TAF6: variants seen among roughly 807,000 people sequenced by gnomAD.
The protein encoded by TAF6 is TATA-box binding protein associated factor 6.
TAF6 carries 50 observed loss-of-function variants against 73.5 expected under a neutral mutation model. That is an observed-to-expected ratio of 0.68 (90% CI 0.54 to 0.86). TAF6 has a LOEUF of 0.86. Among genes scored for constraint, TAF6 ranks in the 40% least tolerant of loss-of-function variants. The probability of loss-of-function intolerance (pLI) is 0.00; values close to 1 mark genes in which losing one functional copy is unlikely to be tolerated. For synonymous variants in TAF6, 424 were observed against 376.7 expected (o/e 1.13, Z -1.45); for missense variants, 768 against 899.5 (o/e 0.85, Z 1.87).
At chr7:100,116,716 C>G (rs574159996) in intron 1 of TAF6, 1 of 152,346 alleles carries the variant, frequency 6.6e-6, no homozygotes, top group East Asian at 1.9e-4. Flanking sequence ...AAATTACCTT[C>G]TCCCCATTAT....
At chr7:100,109,828 C>G in intron 12 of TAF6, 120 bp downstream of exon 12, 1 of 1,453,704 alleles carries the variant, frequency 6.9e-7, no homozygotes, top group South Asian at 1.3e-5. Flanking sequence ...GTATCAGACT[C>G]TGCAATGTCC....
rs749816135 is a variant in TAF6 at position 100,118,045 on chromosome 7, C to CAA, written c.-60+1157_-60+1158dup. Among the ~76,000 whole-genome samples the CAA allele has an allele frequency of 5.1e-3, 416 of 80,952 alleles. 5 individuals are homozygous for CAA. The highest frequency in any genetic ancestry group is 6.5e-3 in the Non-Finnish European group (266 of 41,068). The allele number at this position is 80,952 out of a possible 152,430, so 53.1% of individuals were successfully genotyped here. Reference sequence around the variant, plus strand: ...TGGGCAACAGAGCCAGACTCTGTCTCAAAAAAAAAAAAAAAACAAAAAAAG... The same window carrying CAA: ...TGGGCAACAGAGCCAGACTCTGTCTCAAAAAAAAAAAAAAAAAACAAAAAAAG... On this transcript the variant is annotated intron_variant, in intron 1 of 14. Coordinates refer to ENST00000453269, the MANE Select transcript of TAF6 (RefSeq NM_139315.3).
Position 100,111,915 on chromosome 7 carries a change from C to T in TAF6, c.798+7G>A, listed in dbSNP as rs925175394. The stretch of plus-strand genomic sequence containing the variant: ...CGTCCCTGCACTGTGGAACCTCATG[C>T]TCTCACCCCCTCCGAGATAAAGGTA... On this transcript the variant is annotated splice_region_variant and intron_variant, in intron 8 of 14. Coordinates refer to ENST00000453269, the MANE Select transcript of TAF6 (RefSeq NM_139315.3). 10 of 1,614,022 alleles carry T rather than the reference C, an allele frequency of 6.2e-6. No individual in the cohort carries two copies. The highest frequency in any genetic ancestry group is 4.0e-5 in the African/African-American group (3 of 74,892).
Position 100,113,712 on chromosome 7 carries a change from C to A in TAF6, c.301G>T (p.Gly101Cys). 6.2e-7 allele frequency: 1 copy of A among 1,614,092 alleles called. No individual in the cohort carries two copies. Among genetic ancestry groups the A allele is most frequent in the Non-Finnish European group, 8.5e-7 (1 of 1,180,026 alleles). Reference protein sequence around the residue: ...FIPFRFASGGGRELYFYEEKE... With the variant: ...FIPFRFASGGCRELYFYEEKE... ...TCCTCATAGAAGTAAAGCTCCCGGC[C>A]CCCACCAGAGGCGAAGCGGAAAGGA... The change falls in exon 4 of 15, where the codon GGC (glycine) becomes TGC (cysteine). Residue 101 changes from glycine to cysteine, a missense_variant. Transcript: ENST00000453269.
rs373833412 is a variant in TAF6, at chr7:100,114,191, G to C, written c.19C>G (p.Leu7Val). ...GGCAGCACAGTGTTGCTAAGCTTCA[G>C]CTTCTTCTCCTCAGCCATTCTGGAG... is the stretch of plus-strand genomic sequence containing the variant. MAEEKK[L>V]KLSNTVLPSE... is the part of the protein sequence containing the mutation. Residue 7 changes from leucine (L) to valine (V), a missense_variant, in exon 2 of 15, where the codon CTG (leucine) becomes GTG (valine). By Grantham distance (32) the Leu-to-Val change is conservative (BLOSUM62 1). This residue lies in a region of TAF6 where 269 missense variants were observed against 268.0 expected (regional missense o/e 1.00). Coordinates refer to ENST00000453269, the MANE Select transcript of TAF6 (RefSeq NM_139315.3). 19 of 1,614,104 alleles carry C rather than the reference G, an allele frequency of 1.2e-5. No individual in the cohort carries two copies. The highest frequency in any genetic ancestry group is 1.5e-5 in the Non-Finnish European group (18 of 1,180,056).
At position 100,114,231 on chromosome 7, in the gene TAF6, C is replaced by T; in HGVS notation, c.-22G>A. 1 of 1,613,886 alleles carries T rather than the reference C, an allele frequency of 6.2e-7. No individual in the cohort carries two copies. The highest frequency in any genetic ancestry group is 1.3e-5 in the African/African-American group (1 of 74,790). On this transcript the variant is annotated 5_prime_UTR_variant, in exon 2 of 15. Coordinates refer to ENST00000453269, the MANE Select transcript of TAF6 (RefSeq NM_139315.3). ...CCATTCTGGAGTCCCTCTTCTCCTC[C>T]CTGGAAGGATGAAGCCCCCGGTGGA...
chr7:100,111,577 G>A (rs1797183939), intron 9 of TAF6, 151 bp downstream of exon 9: 1 of 907,982 alleles, frequency 1.1e-6, no homozygotes, highest in African/African-American at 1.6e-5. Flanking sequence ...TCCTCAGGCT[G>A]TCCTCAAACT....
chr7:100,108,564 G>A (rs778461262), intron 12 of TAF6, 24 bp from the exon 13 acceptor site: 16 of 1,577,080 alleles, frequency 1.0e-5, no homozygotes, highest in South Asian at 5.6e-5. Flanking sequence ...AAAAAGCCAG[G>A]TAGAGGGAGG....
rs760960599 is a variant in TAF6 at position 100,107,943 on chromosome 7, C to G, written c.1639G>C (p.Ala547Pro). 1 of 1,611,160 alleles carries G rather than the reference C, an allele frequency of 6.2e-7. No individual in the cohort carries two copies. Among genetic ancestry groups the G allele is most frequent in the African/African-American group, 1.3e-5 (1 of 74,860 alleles). ...CTGCATACCTGCTGGGTGGATGGGG[C>G]GCTGGAGGACGATGACATTACAATA... is the stretch of plus-strand genomic sequence containing the variant. ...KFIVMSSSSS[A>P]PSTQQVLSLS... The change falls in exon 14 of 15, where the codon GCC (alanine) becomes CCC (proline). Residue 547 changes from alanine to proline, a missense_variant. Transcript: ENST00000453269.
chr7:100,108,256 G>C (rs1437713134), intron 13 of TAF6, 111 bp downstream of exon 13: 2 of 1,457,222 alleles, frequency 1.4e-6, no homozygotes, highest in Middle Eastern at 2.5e-4. Flanking sequence ...TCAGGGCCTG[G>C]TTGCCCTGAG....
upstream of TAF6, chr7:100,122,633 CCT>C (rs1277928516): frequency 6.5e-7 from 1 of 1,527,538 alleles, no homozygotes; most frequent in African/African-American, 1.4e-5. Context: ...ATCTGTATCC[CCT>C]GAGGCCCTCC....
At chr7:100,109,442 A>G (rs1163171079) in intron 12 of TAF6, among the ~76,000 whole-genome samples, 1 of 152,178 alleles carries the variant, frequency 6.6e-6, no homozygotes, top group Non-Finnish European at 1.5e-5. Flanking sequence ...AGAAGACCAC[A>G]GAGTAACAGG....
upstream of TAF6, chr7:100,119,872 G>A (rs761016047): frequency 6.2e-7 from 1 of 1,610,618 alleles, no homozygotes; most frequent in Non-Finnish European, 8.5e-7. Context: ...GGTATTTGAA[G>A]GGGGTAGCCC....
chr7:100,109,784 T>G (rs1423081446), intron 12 of TAF6, among the ~76,000 whole-genome samples, 164 bp downstream of exon 12: 1 of 152,072 alleles, frequency 6.6e-6, no homozygotes, highest in Non-Finnish European at 1.5e-5. Context: ...TATTTCTTAC[T>G]CAGTCTAATC....
upstream of TAF6, among the ~76,000 whole-genome samples, chr7:100,121,590 G>A (rs985083680): frequency 1.3e-5 from 2 of 151,804 alleles, no homozygotes; most frequent in Non-Finnish European, 2.9e-5. Context: ...TATTACAGGT[G>A]CGCACCACCA....
upstream of TAF6, chr7:100,121,110 A>ATTTTTTTTTTTTTTT (rs1798036782): frequency 1.4e-4 from 4 of 28,398 alleles, no homozygotes; most frequent in Non-Finnish European, 2.8e-4. Flanking sequence ...ATATATATAT[A>ATTTTTTTTTTTTTTT]TATATATTTT....
chr7:100,119,782 T>C (rs1173095440), upstream of TAF6: 1 of 1,614,142 alleles, frequency 6.2e-7, no homozygotes, highest in Non-Finnish European at 8.5e-7. Flanking sequence ...CTTTTCCTTT[T>C]TTTGGCCGTG....
chr7:100,122,682 T>TCA (rs1798108162), upstream of TAF6: 1 of 1,518,812 alleles, frequency 6.6e-7, no homozygotes, highest in Non-Finnish European at 9.0e-7. Flanking sequence ...ATCATGGAAC[T>TCA]CACCCTTGAA....
At chr7:100,124,754 G>A, upstream of TAF6, 1 of 1,614,004 alleles carries the variant, frequency 6.2e-7, no homozygotes. Context: ...GACTGGAAAG[G>A]AGATCACAGA....
Sources: allele counts gnomAD v4.1 joint callset (sites outside exome capture counted in the v4.1 genomes callset), GRCh38; gene constraint gnomAD v4.1.1; regional missense constraint gnomAD v4.1.1; transcripts MANE v1.5; gene names NCBI Gene and HGNC (gene_info 2026-07-23, HGNC 2026-07-21).